TMEM135: variants seen among roughly 807,000 people sequenced by gnomAD.
TMEM135 encodes the protein peroxisomal membrane protein 52.
A neutral mutation model predicts 60.3 loss-of-function variants in TMEM135; 30 were observed. The observed-to-expected ratio is 0.50, with a 90% CI of 0.37 to 0.68. The LOEUF (loss-of-function observed/expected upper bound fraction) is 0.68. Ranked by LOEUF, TMEM135 falls within the 30% of genes least tolerant of loss-of-function variation. The probability of loss-of-function intolerance (pLI) is 0.00; values close to 1 mark genes in which losing one functional copy is unlikely to be tolerated. For missense variants in TMEM135, 468 were observed against 548.8 expected, an observed-to-expected ratio of 0.85 and a Z score of 1.47; for synonymous variants, 190 against 186.7, an observed-to-expected ratio of 1.02 and a Z score of -0.14.
intron 6 of TMEM135, among the ~76,000 whole-genome samples, chr11:87,291,571 A>C (rs1374964224): frequency 9.3e-6 from 1 of 107,384 alleles, no homozygotes. Flanking sequence ...TCACTCTGTC[A>C]CCCAGGCTGG....
chr11:87,038,623 T>C (rs1949724930), intron 1 of TMEM135, among the ~76,000 whole-genome samples: 2 of 150,488 alleles, frequency 1.3e-5, no homozygotes, highest in South Asian at 4.2e-4. Context: ...TTTTTTTTTT[T>C]TTTTTTAATG....
intron 1 of TMEM135, among the ~76,000 whole-genome samples, chr11:87,061,389 A>G (rs1340597505): frequency 6.6e-6 from 1 of 152,238 alleles, no homozygotes; most frequent in East Asian, 1.9e-4. Flanking sequence ...GCCCTGCACA[A>G]CAGATGATCT....
chr11:87,169,453 C>T (rs956651095), intron 5 of TMEM135, among the ~76,000 whole-genome samples: 16 of 151,684 alleles, frequency 1.1e-4, no homozygotes, highest in East Asian at 3.9e-4. Context: ...TTTTTCCTTT[C>T]GATATTTAGT....
At chr11:87,124,598 G>T (rs1030904428) in intron 4 of TMEM135, among the ~76,000 whole-genome samples, 3 of 152,172 alleles carry the variant, frequency 2.0e-5, no homozygotes, top group African/African-American at 7.2e-5. Flanking sequence ...TGTCATAAAG[G>T]GTCGTGTGGA....
Position 87,274,154 on chromosome 11 carries a change from G to A in TMEM135, c.510-21628G>A, listed in dbSNP as rs375106544. 9.9e-5 allele frequency among the ~76,000 whole-genome samples: 15 copies of A among 152,228 alleles called. No individual in the cohort carries two copies. The East Asian group carries it at 2.9e-3, about 29-fold the overall frequency. ...AGGAAGCCATTCCTTCCTAATCTAG[G>A]TATGTCGACAAAACTTTCAGGTCTG... On this transcript the variant is annotated intron_variant, in intron 6 of 14. Transcript: ENST00000305494.
At chr11:87,261,522 C>G (rs1941651489) in intron 6 of TMEM135, among the ~76,000 whole-genome samples, 1 of 152,094 alleles carries the variant, frequency 6.6e-6, no homozygotes, top group African/African-American at 2.4e-5. Context: ...TCAAACAATG[C>G]AAAAGTATAA....
At chr11:87,189,667 C>A (rs2095030968) in intron 5 of TMEM135, among the ~76,000 whole-genome samples, 1 of 151,304 alleles carries the variant, frequency 6.6e-6, no homozygotes. Flanking sequence ...ACCTGTAATC[C>A]TAGCACTTTG....
At position 87,167,445 on chromosome 11, in the gene TMEM135, T is replaced by G. The variant is rs868611696; in HGVS notation, c.462+10039T>G. ...GTTAGTATGATATTGTCTGTGGGTT[T>G]GTCATAAATAGCTCTTATTATTTTG... On this transcript the variant is annotated intron_variant, in intron 5 of 14. Transcript: ENST00000305494. Among the ~76,000 whole-genome samples, 15 of 152,320 alleles carry G rather than the reference T, an allele frequency of 9.8e-5. No homozygotes were observed. In the South Asian group the frequency reaches 3.1e-3, roughly 32 times the overall value.
chr11:87,159,593 G>GCGCA (rs56665411), intron 5 of TMEM135, among the ~76,000 whole-genome samples: 3 of 124,966 alleles, frequency 2.4e-5, no homozygotes, highest in African/African-American at 8.5e-5. Flanking sequence ...ACACACACGC[G>GCGCA]CACACACACA....
chr11:87,188,695 A>C (rs77922207), intron 5 of TMEM135, among the ~76,000 whole-genome samples: 5,293 of 86,970 alleles, frequency 0.061, 282 homozygotes, highest in African/African-American at 0.18. Flanking sequence ...CAAGAGTGAA[A>C]CTCAGTCTCA....
chr11:87,299,308 G>C (rs1164804882), intron 7 of TMEM135, among the ~76,000 whole-genome samples: 1 of 152,188 alleles, frequency 6.6e-6, no homozygotes, highest in East Asian at 1.9e-4. Context: ...GAGGAAGCAG[G>C]CTTCTTCTTC....
In TMEM135 at chr11:87,038,193, C is replaced by T; in HGVS notation, c.141+7C>T. 1 of 1,614,034 alleles carries T rather than the reference C, an allele frequency of 6.2e-7. No individual in the cohort carries two copies. Among genetic ancestry groups the T allele is most frequent in the Non-Finnish European group, 8.5e-7 (1 of 1,179,986 alleles). On this transcript the variant is annotated splice_region_variant and intron_variant, in intron 1 of 14. Coordinates refer to ENST00000305494, the MANE Select transcript of TMEM135 (RefSeq NM_022918.4). Reference sequence around the variant, plus strand: ...CTATGCTCCTCTGTACTTGGTGAGACCCGTCACCCGTCCCGCAGGGCGAGT... The same window carrying T: ...CTATGCTCCTCTGTACTTGGTGAGATCCGTCACCCGTCCCGCAGGGCGAGT...
chr11:87,288,667 G>GT (rs11453229), intron 6 of TMEM135, among the ~76,000 whole-genome samples: 73,734 of 151,868 alleles, frequency 0.49, 18,166 homozygotes, highest in Non-Finnish European at 0.53. Context: ...TTTACTTTTA[G>GT]TTTTTTTATA....
At chr11:87,250,044 C>G (rs140725267) in intron 6 of TMEM135, among the ~76,000 whole-genome samples, 174 of 152,162 alleles carry the variant, frequency 1.1e-3, no homozygotes, top group Non-Finnish European at 2.0e-3. Flanking sequence ...TTGTATGTGT[C>G]TAGGAATGTA....
chr11:87,116,908 C>T (rs756950697), intron 4 of TMEM135, among the ~76,000 whole-genome samples: 10 of 151,760 alleles, frequency 6.6e-5, no homozygotes, highest in East Asian at 1.9e-4. Context: ...CTGCAACCTC[C>T]GCCTTTTGGG....
chr11:87,190,070 T>C (rs1939761040), intron 5 of TMEM135, among the ~76,000 whole-genome samples: 1 of 152,250 alleles, frequency 6.6e-6, no homozygotes, highest in Non-Finnish European at 1.5e-5. Flanking sequence ...ATGATACTTT[T>C]GAATCTGATT....
intron 5 of TMEM135, among the ~76,000 whole-genome samples, chr11:87,158,610 C>T (rs934343010): frequency 4.7e-5 from 7 of 149,070 alleles, no homozygotes; most frequent in Non-Finnish European, 8.9e-5. Flanking sequence ...TACAGGTGCC[C>T]GCCACAACGC....
chr11:87,285,397 G>A (rs1942145062), intron 6 of TMEM135, among the ~76,000 whole-genome samples: 1 of 152,306 alleles, frequency 6.6e-6, no homozygotes. Context: ...TAAAGATGGT[G>A]TGTCTGGAGT....
At chr11:87,082,318 T>C (rs2135156500) in intron 3 of TMEM135, among the ~76,000 whole-genome samples, 1 of 152,328 alleles carries the variant, frequency 6.6e-6, no homozygotes, top group Middle Eastern at 3.4e-3. Flanking sequence ...TATTCTTGAC[T>C]TACCACGAAT....
Sources: allele counts gnomAD v4.1 joint callset (sites outside exome capture counted in the v4.1 genomes callset), GRCh38; gene constraint gnomAD v4.1.1; transcripts MANE v1.5; gene names NCBI Gene and HGNC (gene_info 2026-07-23, HGNC 2026-07-21).